ADAMTS19: variants seen among roughly 807,000 people sequenced by gnomAD.
ADAMTS19 encodes ADAM metallopeptidase with thrombospondin type 1 motif 19.
ADAMTS19 carries 93 observed loss-of-function variants against 153.3 expected under a neutral mutation model. That is an observed-to-expected ratio of 0.61 (90% CI 0.51 to 0.72). The LOEUF (loss-of-function observed/expected upper bound fraction) is 0.72. ADAMTS19 is among the 30% of genes least tolerant of loss of function. The probability of loss-of-function intolerance (pLI) is 0.00; values close to 1 mark genes in which losing one functional copy is unlikely to be tolerated. For missense variants in ADAMTS19, 1,482 were observed against 1,552.1 expected, an observed-to-expected ratio of 0.95 and a Z score of 0.76; for synonymous variants, 600 against 556.6, an observed-to-expected ratio of 1.08 and a Z score of -1.10.
intron 8 of ADAMTS19, among the ~76,000 whole-genome samples, chr5:129,606,444 CTA>C (rs1282989245): frequency 2.8e-4 from 43 of 152,174 alleles, no homozygotes; most frequent in Non-Finnish European, 5.3e-4. Context: ...TCCGAGAAAG[CTA>C]TCTCAACTGT....
intron 6 of ADAMTS19, among the ~76,000 whole-genome samples, chr5:129,540,779 A>G (rs1420608815): frequency 6.6e-6 from 1 of 152,026 alleles, no homozygotes. Flanking sequence ...TAAAGGCTAC[A>G]TTTCATTTTT....
At chr5:129,625,857 A>G (rs1259186488) in intron 10 of ADAMTS19, among the ~76,000 whole-genome samples, 2 of 151,898 alleles carry the variant, frequency 1.3e-5, no homozygotes, top group South Asian at 2.1e-4. Context: ...ATTAGATCCC[A>G]TTTGTCTATT....
chr5:129,630,848 G>T (rs1752254458), intron 10 of ADAMTS19, among the ~76,000 whole-genome samples: 1 of 151,966 alleles, frequency 6.6e-6, no homozygotes, highest in Admixed American at 6.6e-5. Context: ...AAGGGTTGTT[G>T]TCCAAAATAT....
At chr5:129,510,854 G>GAT (rs1313623480) in intron 3 of ADAMTS19, among the ~76,000 whole-genome samples, 47 of 129,916 alleles carry the variant, frequency 3.6e-4, no homozygotes, top group Admixed American at 2.7e-3. Flanking sequence ...TAAAGTTTCT[G>GAT]AGATATATAT....
chr5:129,498,693 G>A (rs1404009246), intron 2 of ADAMTS19, among the ~76,000 whole-genome samples: 1 of 151,662 alleles, frequency 6.6e-6, no homozygotes, highest in East Asian at 1.9e-4. Context: ...CCCAATTTAA[G>A]TTCGTTTTCA....
At chr5:129,548,815 GCACATATA>G (rs1358262596) in intron 6 of ADAMTS19, among the ~76,000 whole-genome samples, 1 of 151,722 alleles carries the variant, frequency 6.6e-6, no homozygotes, top group Non-Finnish European at 1.5e-5. Context: ...AGAAAATGTG[GCACATATA>G]CACCATAGAA....
chr5:129,590,871 C>T (rs13173776), intron 7 of ADAMTS19, among the ~76,000 whole-genome samples: 87,894 of 152,102 alleles, frequency 0.58, 26,955 homozygotes, highest in Non-Finnish European at 0.69. Context: ...TTCACAATTA[C>T]ATTTTTGTTG....
intron 21 of ADAMTS19, among the ~76,000 whole-genome samples, chr5:129,727,604 T>G (rs1757259092): frequency 6.6e-6 from 1 of 152,178 alleles, no homozygotes; most frequent in South Asian, 2.1e-4. Flanking sequence ...AAGTTAAAAC[T>G]CTAATTCCAG....
chr5:129,723,628 T>C (rs1270526489), intron 21 of ADAMTS19, among the ~76,000 whole-genome samples: 3 of 152,174 alleles, frequency 2.0e-5, no homozygotes, highest in Admixed American at 6.5e-5. Context: ...TCTTAGACAT[T>C]GTCACTAATG....
chr5:129,683,113 T>C lies in ADAMTS19; in HGVS notation c.2665-1007T>C, dbSNP rs76324846. ...TATTATATTATATAGATTGTTTCCA[T>C]AGATCCTCAGATCCATAGAAGTGAT... On this transcript the variant is annotated intron_variant, in intron 17 of 22. Coordinates refer to ENST00000274487, the MANE Select transcript of ADAMTS19 (RefSeq NM_133638.6). Among the ~76,000 whole-genome samples the C allele has an allele frequency of 4.2e-3, 634 of 152,060 alleles. 4 individuals are homozygous for C. Among genetic ancestry groups the C allele is most frequent in the East Asian group, 0.02 (104 of 5,166 alleles).
At chr5:129,559,183 T>G (rs1753414664) in intron 7 of ADAMTS19, among the ~76,000 whole-genome samples, 1 of 152,008 alleles carries the variant, frequency 6.6e-6, no homozygotes, top group Non-Finnish European at 1.5e-5. Flanking sequence ...ATTGAAGACA[T>G]TACAATGTGA....
intron 2 of ADAMTS19, among the ~76,000 whole-genome samples, chr5:129,462,289 A>G (rs147798170): frequency 7.9e-5 from 12 of 152,302 alleles, no homozygotes; most frequent in Admixed American, 7.8e-4. Flanking sequence ...GTCATACTGG[A>G]CACCTGTTCA....
intron 18 of ADAMTS19, among the ~76,000 whole-genome samples, chr5:129,685,775 T>C (rs1005054647): frequency 6.6e-6 from 1 of 152,164 alleles, no homozygotes; most frequent in African/African-American, 2.4e-5. Context: ...ACAACATTGT[T>C]TGCCAATGTG....
intron 6 of ADAMTS19, among the ~76,000 whole-genome samples, chr5:129,529,336 A>G (rs1335466299): frequency 6.6e-6 from 1 of 152,172 alleles, no homozygotes; most frequent in Non-Finnish European, 1.5e-5. Flanking sequence ...AGCGTTTCAC[A>G]TCACAGTAGC....
chr5:129,635,564 A>G (rs1752496980), intron 10 of ADAMTS19, among the ~76,000 whole-genome samples: 1 of 152,244 alleles, frequency 6.6e-6, no homozygotes, highest in Non-Finnish European at 1.5e-5. Context: ...ATCATGGAAT[A>G]CTATGCAGCC....
intron 10 of ADAMTS19, among the ~76,000 whole-genome samples, chr5:129,631,027 A>G (rs1451768324): frequency 1.3e-5 from 2 of 152,110 alleles, no homozygotes; most frequent in African/African-American, 4.8e-5. Context: ...ATAAAGACCT[A>G]CATTTGCATA....
chr5:129,495,080 G>A (rs1448181055), intron 2 of ADAMTS19, among the ~76,000 whole-genome samples: 1 of 152,006 alleles, frequency 6.6e-6, no homozygotes, highest in African/African-American at 2.4e-5. Flanking sequence ...AAGATCTGTA[G>A]CAAATAATTA....
At chr5:129,726,773 C>A (rs985062618) in intron 21 of ADAMTS19, among the ~76,000 whole-genome samples, 1 of 152,076 alleles carries the variant, frequency 6.6e-6, no homozygotes, top group Non-Finnish European at 1.5e-5. Flanking sequence ...CTCCTTGAGT[C>A]CTACCCTGAT....
At chr5:129,572,905 GTA>G (rs1753964266) in intron 7 of ADAMTS19, among the ~76,000 whole-genome samples, 1 of 151,938 alleles carries the variant, frequency 6.6e-6, no homozygotes, top group Admixed American at 6.6e-5. Context: ...AAATGTTACT[GTA>G]TATGAATTTA....
Sources: allele counts gnomAD v4.1 joint callset (sites outside exome capture counted in the v4.1 genomes callset), GRCh38; gene constraint gnomAD v4.1.1; transcripts MANE v1.5; gene names NCBI Gene and HGNC (gene_info 2026-07-23, HGNC 2026-07-21).